The following SH2D4B variants were observed in gnomAD, a reference collection of about 807,000 sequenced individuals.
SH2D4B encodes SH2 domain containing 4B.
In SH2D4B, 45 loss-of-function variants were observed where a neutral mutation model predicts 61.5. That is an observed-to-expected ratio of 0.73 (90% confidence interval 0.58 to 0.94). The LOEUF (loss-of-function observed/expected upper bound fraction) is 0.94, where lower values mean the gene tolerates loss of function less well. Among genes scored for constraint, SH2D4B ranks in the 40% least tolerant of loss-of-function variants. The pLI is 0.00. For missense variants in SH2D4B, 572 were observed against 574.2 expected (o/e 1.00, Z 0.04); for synonymous variants, 224 against 220.4 (o/e 1.02, Z -0.14).
At position 80,623,018 on chromosome 10, in the gene SH2D4B, G is replaced by A. The variant is rs773844922; in HGVS notation, c.989-11267G>A. Among the ~76,000 whole-genome samples the A allele has an allele frequency of 7.2e-5, 11 of 152,320 alleles. No individual in the cohort carries two copies. In the South Asian group the frequency reaches 1.7e-3, roughly 23 times the overall value. ...GCAACCTCCTCTCCCGGGTTCAAGC[G>A]ATTCTCCTGCTTCAGCCTCCCGAGT... On this transcript the variant is annotated intron_variant, in intron 6 of 7. Transcript: ENST00000646907.
intron 3 of SH2D4B, among the ~76,000 whole-genome samples, chr10:80,572,968 A>G (rs1475962177): frequency 3.2e-4 from 2 of 6,264 alleles, no homozygotes; most frequent in African/African-American, 1.5e-3. Context: ...ATATATATAT[A>G]TATATATATA....
intron 1 of SH2D4B, among the ~76,000 whole-genome samples, chr10:80,547,426 T>A (rs1320671074): frequency 1.3e-5 from 2 of 152,218 alleles, no homozygotes; most frequent in African/African-American, 4.8e-5. Flanking sequence ...TTGGACTATC[T>A]AGGGAGCCAT....
intron 1 of SH2D4B, among the ~76,000 whole-genome samples, chr10:80,544,597 G>A (rs1248249084): frequency 6.6e-6 from 1 of 152,228 alleles, no homozygotes; most frequent in East Asian, 1.9e-4. Flanking sequence ...GCTTCCGTGT[G>A]TCCTCTTTCC....
Position 80,570,321 on chromosome 10 carries a change from G to A in SH2D4B, c.347+5G>A, listed in dbSNP as rs1564770988. The A allele has an allele frequency of 6.2e-7, 1 of 1,612,016 alleles. No individual in the cohort carries two copies. On this transcript the variant is annotated splice_donor_5th_base_variant and intron_variant, in intron 2 of 7. Coordinates refer to ENST00000646907, the MANE Select transcript of SH2D4B (RefSeq NM_001388272.1). Reference sequence around the variant, plus strand: ...GAGGGAAGCTGAGGAGCTCTGGTGAGGGGTGCTATGGGGTGTTGGGTGGGG... The same window carrying A: ...GAGGGAAGCTGAGGAGCTCTGGTGAAGGGTGCTATGGGGTGTTGGGTGGGG...
chr10:80,601,463 A>G (rs1472847885), intron 4 of SH2D4B, among the ~76,000 whole-genome samples: 1 of 152,246 alleles, frequency 6.6e-6, no homozygotes, highest in African/African-American at 2.4e-5. Context: ...TATCCAACTC[A>G]GGGCCTAGTG....
chr10:80,583,321 T>C (rs1377780486), intron 3 of SH2D4B, among the ~76,000 whole-genome samples: 2 of 151,840 alleles, frequency 1.3e-5, no homozygotes, highest in Non-Finnish European at 2.9e-5. Context: ...AAAAACTCAG[T>C]AGAAGGTTTG....
chr10:80,572,984 A>ATTTTTTTTTTTTTTTTT (rs1283153702), intron 3 of SH2D4B, among the ~76,000 whole-genome samples: 12 of 8,298 alleles, frequency 1.4e-3, no homozygotes, highest in Non-Finnish European at 1.7e-3. Context: ...ATATATATAT[A>ATTTTTTTTTTTTTTTTT]TATTTTTTTT....
chr10:80,575,962 C>T (rs12355937), intron 3 of SH2D4B, among the ~76,000 whole-genome samples: 6,704 of 152,244 alleles, frequency 0.044, 189 homozygotes, highest in Non-Finnish European at 0.067. Context: ...TAAGTCTGTT[C>T]GGGAAGAAAA....
At chr10:80,551,276 G>A (rs11186011) in intron 1 of SH2D4B, among the ~76,000 whole-genome samples, 4,432 of 152,058 alleles carry the variant, frequency 0.029, 318 homozygotes, top group East Asian at 0.29. Context: ...GGATGGTCTC[G>A]ATCTCCTGAC....
At chr10:80,567,433 G>A (rs995955555) in intron 1 of SH2D4B, among the ~76,000 whole-genome samples, 1 of 152,084 alleles carries the variant, frequency 6.6e-6, no homozygotes, top group African/African-American at 2.4e-5. Flanking sequence ...CTCTTATAGG[G>A]GACACCTTCA....
At chr10:80,638,299 A>G (rs984282362) in intron 7 of SH2D4B, among the ~76,000 whole-genome samples, 8 of 152,230 alleles carry the variant, frequency 5.3e-5, no homozygotes, top group African/African-American at 1.7e-4. Context: ...CGTTGGCCTC[A>G]TAAAATGAGT....
chr10:80,544,562 T>C (rs1841641928), intron 1 of SH2D4B, among the ~76,000 whole-genome samples: 1 of 152,242 alleles, frequency 6.6e-6, no homozygotes, highest in Non-Finnish European at 1.5e-5. Flanking sequence ...ACGGCAACCT[T>C]GCCTGCTGGG....
At position 80,616,331 on chromosome 10, in the gene SH2D4B, A is replaced by G. The variant is rs185449380; in HGVS notation, c.988+6780A>G. Among the ~76,000 whole-genome samples the G allele has an allele frequency of 1.4e-3, 217 of 152,326 alleles. 2 individuals carry two copies. Among genetic ancestry groups the G allele is most frequent in the African/African-American group, 5.0e-3 (206 of 41,576 alleles). ...TCAAATGCAAAACTTTCTAAAGGAG[A>G]AAAAGAAGTAGGTCAGTTGACCCAC... On this transcript the variant is annotated intron_variant, in intron 6 of 7. Transcript: ENST00000646907.
intron 1 of SH2D4B, among the ~76,000 whole-genome samples, chr10:80,557,321 A>T (rs1358579187): frequency 2.0e-5 from 3 of 152,248 alleles, no homozygotes; most frequent in Admixed American, 1.3e-4. Flanking sequence ...AATCTGTGTG[A>T]TAGATATTGT....
rs545990406 is a variant in SH2D4B at position 80,585,597 on chromosome 10, G to A, written c.496-3033G>A. Among the ~76,000 whole-genome samples, 5 of 152,314 alleles carry A rather than the reference G, an allele frequency of 3.3e-5. No individual in the cohort carries two copies. The East Asian group carries it at 9.7e-4, about 29-fold the overall frequency. On this transcript the variant is annotated intron_variant, in intron 3 of 7. Transcript: ENST00000646907. ...CCCAAAGTGCTGGGATTACAGGCGT[G>A]AACCACCGCGCCCAGCCAGGATGGC... is the stretch of plus-strand genomic sequence containing the variant.
chr10:80,558,315 G>A (rs1197261251), intron 1 of SH2D4B, among the ~76,000 whole-genome samples: 1 of 151,920 alleles, frequency 6.6e-6, no homozygotes, highest in Admixed American at 6.6e-5. Context: ...GTATTCAGCT[G>A]TCATGTGAAG....
In SH2D4B at chr10:80,588,828, C is replaced by T. The variant is rs539029244; in HGVS notation, c.643+51C>T. 1.7e-5 allele frequency: 27 copies of T among 1,604,080 alleles called. No individual in the cohort carries two copies. In the South Asian group the frequency reaches 2.9e-4, roughly 17 times the overall value. ...GGGAGACCAGTCCCGCCTCCCCACC[C>T]ACCTCCTCCCAATGCTGATGTACTC... On this transcript the variant is annotated intron_variant, in intron 4 of 7. Transcript: ENST00000646907.
intron 3 of SH2D4B, among the ~76,000 whole-genome samples, chr10:80,574,864 C>A (rs1163381384): frequency 1.3e-5 from 2 of 151,980 alleles, no homozygotes; most frequent in Admixed American, 1.3e-4. Context: ...CCACACCCAG[C>A]TAATTTTTGT....
chr10:80,572,976 ATATATATATATTTTTTTTTTTTTTTT>A (rs1842075967), intron 3 of SH2D4B, among the ~76,000 whole-genome samples: 1 of 7,616 alleles, frequency 1.3e-4, no homozygotes, highest in East Asian at 5.2e-3. Flanking sequence ...ATATATATAT[ATATATATATATTTTTTTTTTTTTTTT>A]TTTTTTTTTT....
Sources: gnomAD v4.1 joint callset for allele counts (sites outside exome capture counted in the v4.1 genomes callset) on GRCh38, gnomAD v4.1.1 for gene constraint, MANE v1.5 for transcripts, NCBI Gene and HGNC (gene_info 2026-07-23, HGNC 2026-07-21) for gene names.